CYP3A4: variants seen among roughly 807,000 people sequenced by gnomAD.
CYP3A4 encodes the protein cytochrome P450 family 3 subfamily A member 4.
Under a neutral mutation model 54.9 loss-of-function variants are expected in CYP3A4, and 41 were observed. That is an observed-to-expected ratio of 0.75 (90% CI 0.58 to 0.97). CYP3A4 has a LOEUF of 0.97. Among genes scored for constraint, CYP3A4 ranks in the 50% least tolerant of loss-of-function variants. The pLI, the probability that CYP3A4 is intolerant of heterozygous loss-of-function variation, is 0.00. For synonymous variants in CYP3A4, 179 were observed against 205.2 expected (o/e 0.87, Z 1.09); for missense variants, 510 against 597.3 (o/e 0.85, Z 1.52).
intron 3 of CYP3A4, among the ~76,000 whole-genome samples, chr7:99,775,060 G>A (rs902765800): frequency 2.6e-5 from 4 of 152,096 alleles, no homozygotes; most frequent in African/African-American, 9.7e-5. Flanking sequence ...CAAACAGAGA[G>A]CCAAATCATG....
intron 11 of CYP3A4, 92 bp from the exon 12 acceptor site, chr7:99,761,073 A>T (rs1048034849): frequency 5.8e-5 from 81 of 1,390,246 alleles, no homozygotes; most frequent in Non-Finnish European, 7.5e-5. Flanking sequence ...GCCACCCCTC[A>T]ACTAGTAGTA....
chr7:99,767,114 C>G lies in CYP3A4; in HGVS notation c.798+17G>C. 2 of 1,606,210 alleles carry G rather than the reference C, an allele frequency of 1.2e-6. No homozygotes were observed. Among genetic ancestry groups the G allele is most frequent in the Non-Finnish European group, 1.7e-6 (2 of 1,176,538 alleles). On this transcript the variant is annotated intron_variant, in intron 8 of 12. Transcript: ENST00000651514. ...TGAAAAACTAAACATCCTCCTATAA[C>G]TACCACCACATTTTACCTTTTGTGT...
chr7:99,772,545 A>G (rs1378832777), intron 4 of CYP3A4, 45 bp downstream of exon 4: 1 of 1,607,806 alleles, frequency 6.2e-7, no homozygotes, highest in African/African-American at 1.3e-5. Context: ...TTCAAAATAT[A>G]AATTTAATCA....
At position 99,780,100 on chromosome 7, in the gene CYP3A4, A is replaced by C. The variant is rs368782096; in HGVS notation, c.72-15T>G. ...GGGTTCCATATCTACAAAGTGAAACAGAAATCAAGTCACAGCGATTGTGAC... is the reference window on the plus strand; with the variant it reads ...GGGTTCCATATCTACAAAGTGAAACCGAAATCAAGTCACAGCGATTGTGAC... On this transcript the variant is annotated splice_polypyrimidine_tract_variant and intron_variant, in intron 1 of 12. Transcript: ENST00000651514. The C allele has an allele frequency of 2.9e-5, 46 of 1,607,826 alleles. No individual in the cohort carries two copies. The highest frequency in any genetic ancestry group is 3.7e-5 in the Non-Finnish European group (44 of 1,174,586).
chr7:99,770,153 G>C lies in CYP3A4; in HGVS notation c.401C>G (p.Ser134Cys), dbSNP rs376124415. 1.9e-6 allele frequency: 3 copies of C among 1,613,542 alleles called. No homozygotes were observed. In the African/African-American group the frequency reaches 4.0e-5, roughly 22 times the overall value. Reference sequence around the variant, plus strand: ...GAGTTTTCCACTGGTGAAGGTTGGAGACAGCAATGATCGTAATCTCTTCCA... The same window carrying C: ...GAGTTTTCCACTGGTGAAGGTTGGACACAGCAATGATCGTAATCTCTTCCA... ...EEWKRLRSLLSPTFTSGKLKE... is the reference protein window; with the variant it reads ...EEWKRLRSLLCPTFTSGKLKE... Residue 134 changes from serine to cysteine, a missense_variant, in exon 5 of 13, where the codon TCT becomes TGT. By Grantham distance (112) the Ser-to-Cys change is moderately radical. Transcript: ENST00000651514.
rs1815406883 is a variant in CYP3A4, at chr7:99,763,874, T to A, written c.1007A>T (p.Asp336Val). The change falls in exon 10 of 13, where the codon GAT becomes GTT. Residue 336 changes from aspartate to valine, a missense_variant. Coordinates refer to ENST00000651514, the MANE Select transcript of CYP3A4 (RefSeq NM_017460.6). ...ACTCACCTTATTGGGTAAAACTGCA[T>A]CAATTTCCTCCTGCAGTTTCTGCTG... ...DVQQKLQEEI[D>V]AVLPNKAPPT... The A allele has an allele frequency of 6.2e-7, 1 of 1,613,888 alleles. No homozygotes were observed. The highest frequency in any genetic ancestry group is 1.1e-5 in the South Asian group (1 of 91,076).
At chr7:99,783,875 C>T in intron 1 of CYP3A4, 136 bp downstream of exon 1, 1 of 992,356 alleles carries the variant, frequency 1.0e-6, no homozygotes, top group South Asian at 1.4e-5. Context: ...TCCCAAAGTG[C>T]TGGGATTACA....
At position 99,760,777 on chromosome 7, in the gene CYP3A4, G is replaced by A. The variant is rs773227916; in HGVS notation, c.1416+42C>T. 2.8e-5 allele frequency: 44 copies of A among 1,599,898 alleles called. 1 individual carries two copies. The highest frequency in any genetic ancestry group is 3.8e-5 in the Non-Finnish European group (44 of 1,170,168). ...AAAAATACAGACCACTCAGTTAAAA[G>A]AATTATTAATACAACATTATTTTTA... On this transcript the variant is annotated intron_variant, in intron 12 of 12. Transcript: ENST00000651514.
At chr7:99,771,926 C>T (rs1447284266) in intron 4 of CYP3A4, among the ~76,000 whole-genome samples, 3 of 151,926 alleles carry the variant, frequency 2.0e-5, no homozygotes, top group Non-Finnish European at 4.4e-5. Flanking sequence ...ATACCTTATA[C>T]AAAAAATAAC....
chr7:99,761,003 T>C, intron 11 of CYP3A4, 22 bp from the exon 12 acceptor site: 2 of 1,610,976 alleles, frequency 1.2e-6, no homozygotes, highest in Non-Finnish European at 1.7e-6. Context: ...TTGGTAGATT[T>C]TTAAAAAGTT....
intron 11 of CYP3A4, 145 bp from the exon 12 acceptor site, chr7:99,761,126 C>T (rs1401287151): frequency 4.6e-6 from 4 of 878,102 alleles, no homozygotes; most frequent in East Asian, 2.5e-5. Flanking sequence ...TCCTGCTATG[C>T]TTATTTTGCT....
intron 1 of CYP3A4, among the ~76,000 whole-genome samples, chr7:99,782,992 G>A (rs1326301554): frequency 1.3e-5 from 2 of 152,120 alleles, no homozygotes; most frequent in Non-Finnish European, 2.9e-5. Context: ...GGAACATGTT[G>A]GAAATAGACT....
chr7:99,770,789 TA>T (rs1815612852), intron 4 of CYP3A4, among the ~76,000 whole-genome samples: 1 of 152,242 alleles, frequency 6.6e-6, no homozygotes, highest in Non-Finnish European at 1.5e-5. Context: ...TCTTGTCTCT[TA>T]ATTTTTTATT....
At chr7:99,766,177 C>G (rs1815471964) in intron 9 of CYP3A4, among the ~76,000 whole-genome samples, 200 bp downstream of exon 9, 1 of 152,076 alleles carries the variant, frequency 6.6e-6, no homozygotes, top group Admixed American at 6.6e-5. Context: ...CTTAGGGTTG[C>G]CCTTTACTCT....
At chr7:99,762,652 T>C (rs1375703447) in intron 10 of CYP3A4, among the ~76,000 whole-genome samples, 1 of 152,112 alleles carries the variant, frequency 6.6e-6, no homozygotes, top group Non-Finnish European at 1.5e-5. Context: ...AGAGAAACAC[T>C]ATATTATATA....
intron 9 of CYP3A4, among the ~76,000 whole-genome samples, chr7:99,765,807 C>T (rs1460412805): frequency 6.6e-6 from 1 of 152,024 alleles, no homozygotes; most frequent in African/African-American, 2.4e-5. Context: ...AGAGGTTTTC[C>T]CCACAAGTTA....
chr7:99,775,486 A>G (rs1261291690), intron 3 of CYP3A4, among the ~76,000 whole-genome samples: 2 of 152,230 alleles, frequency 1.3e-5, no homozygotes, highest in African/African-American at 4.8e-5. Context: ...ACAGGTACCA[A>G]AACAGAAATA....
chr7:99,772,897 G>A (rs1399842556), intron 3 of CYP3A4, among the ~76,000 whole-genome samples: 1 of 152,092 alleles, frequency 6.6e-6, no homozygotes, highest in Non-Finnish European at 1.5e-5. Context: ...GAAGGATAAT[G>A]TGGGCCAAAC....
In CYP3A4 at chr7:99,766,887, G is replaced by A. The variant is rs28371757; in HGVS notation, c.798+244C>T. On this transcript the variant is annotated intron_variant, in intron 8 of 12. Transcript: ENST00000651514. Reference sequence around the variant, plus strand: ...TTTATCTCAATAAAATTTATGCCGTGGCATACTAATTGTTGTGTCTGATAT... The same window carrying A: ...TTTATCTCAATAAAATTTATGCCGTAGCATACTAATTGTTGTGTCTGATAT... 1,989 of 396,140 alleles carry A rather than the reference G, an allele frequency of 5.0e-3. 25 individuals carry two copies. Among genetic ancestry groups the A allele is most frequent in the Admixed American group, 0.02 (476 of 23,468 alleles). The allele number at this position is 396,140 out of a possible 1,614,324, so 24.5% of individuals were successfully genotyped here.
Sources: allele counts gnomAD v4.1 joint callset (sites outside exome capture counted in the v4.1 genomes callset), GRCh38; gene constraint gnomAD v4.1.1; transcripts MANE v1.5; gene names NCBI Gene and HGNC (gene_info 2026-07-23, HGNC 2026-07-21).